DDX4: variants seen among roughly 807,000 people sequenced by gnomAD.
The protein encoded by DDX4 is DEAD-box helicase 4, also known as probable ATP-dependent RNA helicase DDX4.
In DDX4, 25 loss-of-function variants were observed where a neutral mutation model predicts 100.0. The observed-to-expected ratio is 0.25, with a 90% CI of 0.18 to 0.35. The LOEUF (loss-of-function observed/expected upper bound fraction) is 0.35, where lower values mean the gene tolerates loss of function less well. Ranked by LOEUF, DDX4 falls within the 10% of genes least tolerant of loss-of-function variation. The pLI is 1.00. For synonymous variants in DDX4, 259 were observed against 275.7 expected (o/e 0.94, Z 0.60); for missense variants, 635 against 882.4 (o/e 0.72, Z 3.55).
chr5:55,760,737 T>A (rs999449880), intron 4 of DDX4, among the ~76,000 whole-genome samples: 2 of 152,226 alleles, frequency 1.3e-5, no homozygotes, highest in South Asian at 4.1e-4. Context: ...ATTGGATTTT[T>A]AAATTTTACT....
intron 15 of DDX4, among the ~76,000 whole-genome samples, chr5:55,788,267 G>A (rs1050746016): frequency 1.3e-5 from 2 of 152,112 alleles, no homozygotes; most frequent in Non-Finnish European, 2.9e-5. Flanking sequence ...TTGAGGCCAG[G>A]AGTTCGAGAC....
chr5:55,738,804 A>T (rs1195779452), intron 1 of DDX4, 146 bp from the exon 2 acceptor site: 2 of 647,372 alleles, frequency 3.1e-6, no homozygotes, highest in Non-Finnish European at 5.5e-6. Flanking sequence ...GAAGAGACCT[A>T]ATTCCTTCTT....
chr5:55,752,166 T>A (rs1561482332), intron 3 of DDX4, among the ~76,000 whole-genome samples: 1 of 152,050 alleles, frequency 6.6e-6, no homozygotes, highest in Non-Finnish European at 1.5e-5. Context: ...TTTATTTATT[T>A]ATTAATTTTT....
chr5:55,808,301 C>T (rs1191699693), intron 18 of DDX4, among the ~76,000 whole-genome samples: 2 of 152,134 alleles, frequency 1.3e-5, no homozygotes, highest in African/African-American at 4.8e-5. Flanking sequence ...TCATCTGATG[C>T]CTTCTTCTCT....
Position 55,782,851 on chromosome 5 carries a change from A to G in DDX4, c.625+870A>G, listed in dbSNP as rs549669568. ...CACTCTGTCACCCAGGTTGGAGTGC[A>G]GTGGTGTGATCTCGGCTCACTGCAA... On this transcript the variant is annotated intron_variant, in intron 10 of 21. Coordinates refer to ENST00000505374, the MANE Select transcript of DDX4 (RefSeq NM_024415.3). 2.3e-4 allele frequency among the ~76,000 whole-genome samples: 33 copies of G among 144,178 alleles called. No individual in the cohort carries two copies. In the East Asian group the frequency reaches 6.6e-3, roughly 29 times the overall value. 94.6% of individuals were successfully genotyped at this position (144,178 alleles called of 152,430 possible). A position where few individuals can be genotyped will look rare whatever the true frequency, so the allele number is the denominator to read the frequency against.
intron 6 of DDX4, among the ~76,000 whole-genome samples, chr5:55,767,135 G>A (rs1740973891): frequency 6.6e-6 from 1 of 152,158 alleles, no homozygotes; most frequent in South Asian, 2.1e-4. Flanking sequence ...CAAATGTCTT[G>A]AGTTTATTAA....
rs192907456 is a variant in DDX4, at chr5:55,740,252, C to T, written c.69+1220C>T. Among the ~76,000 whole-genome samples, 592 of 152,254 alleles carry T rather than the reference C, an allele frequency of 3.9e-3. 5 individuals are homozygous for T. The Middle Eastern group carries it at 0.051, about 13-fold the overall frequency. Reference sequence around the variant, plus strand: ...TCATGCAGTGTGGGCTCACTGCAGCCTCTGCCTTCTGGGTTCAAGCAATTC... The same window carrying T: ...TCATGCAGTGTGGGCTCACTGCAGCTTCTGCCTTCTGGGTTCAAGCAATTC... On this transcript the variant is annotated intron_variant, in intron 2 of 21. Transcript: ENST00000505374.
At chr5:55,761,362 T>C (rs1443833524) in intron 4 of DDX4, among the ~76,000 whole-genome samples, 1 of 152,120 alleles carries the variant, frequency 6.6e-6, no homozygotes, top group East Asian at 1.9e-4. Flanking sequence ...GGTTATGTGA[T>C]ATTTTGATAC....
At chr5:55,808,966 A>G (rs1743935813) in intron 18 of DDX4, among the ~76,000 whole-genome samples, 2 of 152,152 alleles carry the variant, frequency 1.3e-5, no homozygotes, top group Non-Finnish European at 2.9e-5. Flanking sequence ...GGCTCCACCC[A>G]GTTCGAGCTT....
chr5:55,797,904 A>G (rs528688697), intron 17 of DDX4, among the ~76,000 whole-genome samples: 12 of 152,258 alleles, frequency 7.9e-5, no homozygotes, highest in Admixed American at 3.3e-4. Context: ...ACTACTTTCT[A>G]TGTGTGTCGT....
intron 18 of DDX4, among the ~76,000 whole-genome samples, chr5:55,809,891 A>G (rs1333118890): frequency 2.0e-5 from 3 of 152,344 alleles, no homozygotes; most frequent in African/African-American, 7.2e-5. Context: ...ATCAGGCAGC[A>G]TACCTTCAAG....
In DDX4 at chr5:55,766,720, G is replaced by A. The variant is rs182632683; in HGVS notation, c.335-1161G>A. ...CACACAGGAACTTAGCTAATAACCT[G>A]CAAGCTGTTTGGTCACTTGCTGTCA... On this transcript the variant is annotated intron_variant, in intron 6 of 21. Coordinates refer to ENST00000505374, the MANE Select transcript of DDX4 (RefSeq NM_024415.3). 5.9e-5 allele frequency among the ~76,000 whole-genome samples: 9 copies of A among 152,216 alleles called. No individual in the cohort carries two copies. The East Asian group carries it at 1.5e-3, about 26-fold the overall frequency.
At chr5:55,761,292 A>G (rs1740528306) in intron 4 of DDX4, among the ~76,000 whole-genome samples, 1 of 152,166 alleles carries the variant, frequency 6.6e-6, no homozygotes, top group African/African-American at 2.4e-5. Context: ...AAATATTTTA[A>G]TATTACATTT....
chr5:55,772,352 C>T (rs1032713611), intron 7 of DDX4, among the ~76,000 whole-genome samples: 6 of 152,176 alleles, frequency 3.9e-5, no homozygotes, highest in Non-Finnish European at 7.3e-5. Context: ...CTTTGCACTA[C>T]AGGGCTGCCT....
rs73131156 is a variant in DDX4 at position 55,788,009 on chromosome 5, A to G, written c.1172+9A>G. ...AGAAAATTTTCTTTTGGGTAAGTAC[A>G]TCAGAGTGCTACTCACAAAATAGTT... On this transcript the variant is annotated intron_variant, in intron 15 of 21. Coordinates refer to ENST00000505374, the MANE Select transcript of DDX4 (RefSeq NM_024415.3). 3.8e-3 allele frequency: 6,134 copies of G among 1,604,326 alleles called. 201 individuals carry two copies. The African/African-American group carries it at 0.071, about 18-fold the overall frequency.
At chr5:55,754,696 T>A (rs1393715151) in intron 3 of DDX4, among the ~76,000 whole-genome samples, 3 of 151,218 alleles carry the variant, frequency 2.0e-5, no homozygotes, top group Middle Eastern at 3.4e-3. Flanking sequence ...ATAAAATGAG[T>A]TAGGGAGGAT....
At chr5:55,804,234 A>C (rs1168924408) in intron 18 of DDX4, among the ~76,000 whole-genome samples, 11 of 149,500 alleles carry the variant, frequency 7.4e-5, no homozygotes, top group African/African-American at 1.5e-4. Flanking sequence ...CCTTTGTCAG[A>C]TGAGTAGGTT....
In DDX4 at chr5:55,755,702, C is replaced by T. The variant is rs190195980; in HGVS notation, c.128-4498C>T. Among the ~76,000 whole-genome samples the T allele has an allele frequency of 1.4e-3, 212 of 151,998 alleles. 1 individual carries two copies. Among genetic ancestry groups the T allele is most frequent in the South Asian group, 8.1e-3 (39 of 4,804 alleles). On this transcript the variant is annotated intron_variant, in intron 3 of 21. Transcript: ENST00000505374. Reference sequence around the variant, plus strand: ...GAATTTGTTCATAAAACTGTCTAGGCCAGGGCAGATTCTTTTTTTTTTTAA... The same window carrying T: ...GAATTTGTTCATAAAACTGTCTAGGTCAGGGCAGATTCTTTTTTTTTTTAA...
At chr5:55,810,569 A>G (rs1338673838) in intron 18 of DDX4, among the ~76,000 whole-genome samples, 2 of 152,188 alleles carry the variant, frequency 1.3e-5, no homozygotes, top group Non-Finnish European at 2.9e-5. Context: ...AGGAATGCTC[A>G]ACGTGTATTA....
Sources: gnomAD v4.1 joint callset for allele counts (sites outside exome capture counted in the v4.1 genomes callset) on GRCh38, gnomAD v4.1.1 for gene constraint, MANE v1.5 for transcripts, NCBI Gene and HGNC (gene_info 2026-07-23, HGNC 2026-07-21) for gene names.